The following CNTN5 variants were observed in gnomAD, a reference collection of about 807,000 sequenced individuals.
CNTN5 encodes contactin 5.
CNTN5 carries 77 observed loss-of-function variants against 129.1 expected under a neutral mutation model. The ratio of observed to expected loss-of-function variants is 0.60; its 90% CI spans 0.50 to 0.72. The LOEUF (loss-of-function observed/expected upper bound fraction) is 0.72. Ranked by LOEUF, CNTN5 falls within the 30% of genes least tolerant of loss-of-function variation. The pLI, the probability that CNTN5 is intolerant of heterozygous loss-of-function variation, is 0.00. For missense variants in CNTN5, 1,478 were observed against 1,328.8 expected (o/e 1.11, Z -1.75); for synonymous variants, 509 against 465.6 (o/e 1.09, Z -1.20).
At chr11:100,320,587 T>C (rs1951670597) in intron 21 of CNTN5, among the ~76,000 whole-genome samples, 1 of 152,196 alleles carries the variant, frequency 6.6e-6, no homozygotes, top group African/African-American at 2.4e-5. Flanking sequence ...TTTTTGCTTT[T>C]GTTGCCTGTG....
intron 1 of CNTN5, among the ~76,000 whole-genome samples, chr11:99,167,932 T>A (rs1304503377): frequency 6.6e-6 from 1 of 150,524 alleles, no homozygotes; most frequent in Non-Finnish European, 1.5e-5. Flanking sequence ...AAATTTATTC[T>A]TATAATGATT....
intron 7 of CNTN5, among the ~76,000 whole-genome samples, chr11:99,955,396 T>C (rs1419285087): frequency 6.6e-6 from 1 of 151,998 alleles, no homozygotes; most frequent in Non-Finnish European, 1.5e-5. Flanking sequence ...AAATATTAAA[T>C]GTACTGAAGG....
chr11:100,023,983 T>G (rs1032761512), intron 9 of CNTN5, among the ~76,000 whole-genome samples: 1 of 152,128 alleles, frequency 6.6e-6, no homozygotes, highest in Non-Finnish European at 1.5e-5. Flanking sequence ...ATGTGCATGG[T>G]TTTGTGTCGA....
chr11:99,676,111 ATAGT>A (rs1467191563), intron 3 of CNTN5, among the ~76,000 whole-genome samples: 8 of 152,144 alleles, frequency 5.3e-5, no homozygotes, highest in Admixed American at 2.0e-4. Flanking sequence ...CATGTAATAA[ATAGT>A]TAATTATTAC....
At chr11:99,461,369 A>G (rs1475527929) in intron 2 of CNTN5, among the ~76,000 whole-genome samples, 2 of 152,068 alleles carry the variant, frequency 1.3e-5, no homozygotes, top group Non-Finnish European at 2.9e-5. Flanking sequence ...ACTAAACATC[A>G]ATGTTGTCAT....
At chr11:99,912,844 T>C (rs186115115) in intron 6 of CNTN5, among the ~76,000 whole-genome samples, 8 of 152,176 alleles carry the variant, frequency 5.3e-5, no homozygotes, top group Admixed American at 4.6e-4. Flanking sequence ...GTTGAGTATT[T>C]GTAAATGTGC....
At chr11:99,618,841 A>C (rs965465313) in intron 3 of CNTN5, among the ~76,000 whole-genome samples, 1 of 152,146 alleles carries the variant, frequency 6.6e-6, no homozygotes, top group Non-Finnish European at 1.5e-5. Flanking sequence ...CCCATAAATA[A>C]ATGCATACAC....
intron 9 of CNTN5, among the ~76,000 whole-genome samples, chr11:100,008,403 A>G (rs912440692): frequency 6.6e-6 from 1 of 152,060 alleles, no homozygotes; most frequent in Non-Finnish European, 1.5e-5. Context: ...ATTAATTCAG[A>G]GGTGTCAAAA....
intron 3 of CNTN5, among the ~76,000 whole-genome samples, chr11:99,762,399 G>T (rs1463287318): frequency 6.6e-6 from 1 of 151,918 alleles, no homozygotes; most frequent in Non-Finnish European, 1.5e-5. Flanking sequence ...ATGGTTTTAG[G>T]TCTAACGTTT....
intron 2 of CNTN5, among the ~76,000 whole-genome samples, chr11:99,421,589 A>G (rs2135056046): frequency 6.6e-6 from 1 of 152,310 alleles, no homozygotes; most frequent in South Asian, 2.1e-4. Flanking sequence ...ACTTATGACA[A>G]TCTTGATGTT....
At chr11:100,011,245 G>T (rs1288599128) in intron 9 of CNTN5, among the ~76,000 whole-genome samples, 1 of 152,034 alleles carries the variant, frequency 6.6e-6, no homozygotes, top group Non-Finnish European at 1.5e-5. Context: ...ACAGACCCTA[G>T]AAAGAGCACT....
intron 8 of CNTN5, among the ~76,000 whole-genome samples, chr11:99,994,497 GA>G (rs1939322856): frequency 6.6e-6 from 1 of 152,074 alleles, no homozygotes; most frequent in Non-Finnish European, 1.5e-5. Context: ...TAATTATATA[GA>G]AATATTTTCC....
intron 3 of CNTN5, among the ~76,000 whole-genome samples, chr11:99,567,974 T>C (rs1326868430): frequency 6.6e-6 from 1 of 152,104 alleles, no homozygotes; most frequent in Non-Finnish European, 1.5e-5. Context: ...GATATAAAAT[T>C]AAACTATCAA....
At chr11:99,844,114 C>G (rs1010920314) in intron 4 of CNTN5, among the ~76,000 whole-genome samples, 1 of 152,178 alleles carries the variant, frequency 6.6e-6, no homozygotes, top group Non-Finnish European at 1.5e-5. Flanking sequence ...CAGAATTTCT[C>G]TGAGTATTAG....
At chr11:99,170,808 A>G (rs1490149015) in intron 1 of CNTN5, among the ~76,000 whole-genome samples, 1 of 152,234 alleles carries the variant, frequency 6.6e-6, no homozygotes, top group Admixed American at 6.5e-5. Context: ...GCACACATAT[A>G]AGTTCAATTC....
chr11:100,021,454 C>T lies in CNTN5; in HGVS notation c.980+19318C>T, dbSNP rs550289194. Among the ~76,000 whole-genome samples, 4 of 152,282 alleles carry T rather than the reference C, an allele frequency of 2.6e-5. No individual in the cohort carries two copies. In the South Asian group the frequency reaches 6.2e-4, roughly 24 times the overall value. On this transcript the variant is annotated intron_variant, in intron 9 of 24. Transcript: ENST00000524871. ...TTGTAGATCTGTCTGATTCTCCTTG[C>T]ATTTCTATCACTTTTGCCCCATATA...
intron 13 of CNTN5, among the ~76,000 whole-genome samples, chr11:100,151,649 G>A (rs1367085013): frequency 6.6e-6 from 1 of 152,004 alleles, no homozygotes; most frequent in African/African-American, 2.4e-5. Context: ...GTCATACCAG[G>A]TCCTTAAATC....
At chr11:99,977,377 G>A (rs11222137) in intron 8 of CNTN5, among the ~76,000 whole-genome samples, 9,297 of 152,140 alleles carry the variant, frequency 0.061, 304 homozygotes, top group Non-Finnish European at 0.076. Context: ...TCACTTCCAC[G>A]TTTTCAGGTG....
At chr11:99,374,673 G>T (rs568786403) in intron 2 of CNTN5, among the ~76,000 whole-genome samples, 1 of 152,132 alleles carries the variant, frequency 6.6e-6, no homozygotes, top group South Asian at 2.1e-4. Flanking sequence ...GACAGAGTGA[G>T]ACTCAGTCTC....
Sources: allele counts gnomAD v4.1 joint callset (sites outside exome capture counted in the v4.1 genomes callset), GRCh38; gene constraint gnomAD v4.1.1; transcripts MANE v1.5; gene names NCBI Gene and HGNC (gene_info 2026-07-23, HGNC 2026-07-21).